The following MAGI3 variants were observed in gnomAD, a reference collection of about 807,000 sequenced individuals.
The protein encoded by MAGI3 is membrane-associated guanylate kinase, WW and PDZ domain-containing protein 3.
Under a neutral mutation model 121.8 loss-of-function variants are expected in MAGI3, and 43 were observed. The observed-to-expected ratio is 0.35, with a 90% CI of 0.28 to 0.46. The LOEUF is 0.46. Ranked by LOEUF, MAGI3 falls within the 20% of genes least tolerant of loss-of-function variation. The pLI, the probability that MAGI3 is intolerant of heterozygous loss-of-function variation, is 1.00. For synonymous variants in MAGI3, 553 were observed against 639.3 expected, an observed-to-expected ratio of 0.86 and a Z score of 2.04; for missense variants, 1,547 against 1,797.3, an observed-to-expected ratio of 0.86 and a Z score of 2.52.
rs150956678 is a variant in MAGI3 at position 113,532,903 on chromosome 1, A to G, written c.317-16612A>G. Among the ~76,000 whole-genome samples, 10 of 152,336 alleles carry G rather than the reference A, an allele frequency of 6.6e-5. No homozygotes were observed. In the East Asian group the frequency reaches 1.7e-3, roughly 26 times the overall value. On this transcript the variant is annotated intron_variant, in intron 1 of 20. Transcript: ENST00000307546. ...ATGTTAGTGCTTACTTGAACTTACA[A>G]CAGACTTTTTCCAACTGAATTGAGA... is the stretch of plus-strand genomic sequence containing the variant.
intron 9 of MAGI3, among the ~76,000 whole-genome samples, chr1:113,637,962 C>T (rs1253629043): frequency 6.6e-6 from 1 of 152,098 alleles, no homozygotes; most frequent in East Asian, 1.9e-4. Context: ...CTTCCCTTCT[C>T]GCTTCATTTC....
At chr1:113,433,552 A>T (rs551376824) in intron 1 of MAGI3, among the ~76,000 whole-genome samples, 4 of 152,354 alleles carry the variant, frequency 2.6e-5, no homozygotes, top group Non-Finnish European at 5.9e-5. Flanking sequence ...AGGAATTTAG[A>T]ATCCTGTTAC....
intron 1 of MAGI3, among the ~76,000 whole-genome samples, chr1:113,461,024 A>C (rs1227932775): frequency 6.6e-6 from 1 of 152,198 alleles, no homozygotes; most frequent in African/African-American, 2.4e-5. Flanking sequence ...ACAGCTAGCC[A>C]GGGAGGTGAA....
intron 1 of MAGI3, among the ~76,000 whole-genome samples, chr1:113,455,465 CT>C (rs1654704606): frequency 6.6e-6 from 1 of 152,048 alleles, no homozygotes; most frequent in Admixed American, 6.5e-5. Context: ...TTCAACTTGT[CT>C]TCCAGTCCTC....
intron 1 of MAGI3, among the ~76,000 whole-genome samples, chr1:113,512,372 G>T (rs1396393624): frequency 6.6e-6 from 1 of 152,156 alleles, no homozygotes; most frequent in Admixed American, 6.5e-5. Flanking sequence ...ACCACTTAAA[G>T]ATCTAAATAT....
intron 2 of MAGI3, among the ~76,000 whole-genome samples, chr1:113,570,833 T>G (rs1042125639): frequency 5.9e-5 from 9 of 152,200 alleles, no homozygotes; most frequent in Non-Finnish European, 1.0e-4. Context: ...TTTCTCCCAT[T>G]CTATAGGTTG....
intron 1 of MAGI3, among the ~76,000 whole-genome samples, chr1:113,442,278 G>A (rs1309622112): frequency 6.6e-6 from 1 of 152,180 alleles, no homozygotes; most frequent in Non-Finnish European, 1.5e-5. Flanking sequence ...AGCAGATGTT[G>A]TATGACGGAA....
At chr1:113,610,642 C>T (rs1235779846) in intron 6 of MAGI3, among the ~76,000 whole-genome samples, 6 of 152,190 alleles carry the variant, frequency 3.9e-5, no homozygotes, top group Non-Finnish European at 8.8e-5. Context: ...CTTTCCCTCA[C>T]TGTCTCCTCT....
rs1015210781 is a variant in MAGI3 at position 113,437,926 on chromosome 1, C to A, written c.316+46577C>A. ...TCTCCTTCTCCTTCTCCTTCTCCTC[C>A]TTCTCCTTCTCCTTCTCCTTCTCCT... On this transcript the variant is annotated intron_variant, in intron 1 of 20. Coordinates refer to ENST00000307546, the MANE Select transcript of MAGI3 (RefSeq NM_001142782.2). 7.4e-5 allele frequency among the ~76,000 whole-genome samples: 9 copies of A among 121,840 alleles called. 2 individuals carry two copies. The highest frequency in any genetic ancestry group is 3.3e-5 in the African/African-American group (1 of 30,370). 79.9% of individuals were successfully genotyped at this position (121,840 alleles called of 152,430 possible). A position where few individuals can be genotyped will look rare whatever the true frequency, so the allele number is the denominator to read the frequency against.
At chr1:113,641,124 T>A (rs1391306189) in intron 9 of MAGI3, among the ~76,000 whole-genome samples, 2 of 90,518 alleles carry the variant, frequency 2.2e-5, no homozygotes, top group South Asian at 7.7e-4. Context: ...ATATGAGATA[T>A]ATATTATATA....
At chr1:113,633,106 A>G (rs1401160429) in intron 9 of MAGI3, among the ~76,000 whole-genome samples, 2 of 126,616 alleles carry the variant, frequency 1.6e-5, no homozygotes, top group Non-Finnish European at 3.1e-5. Flanking sequence ...TCCTGTGTCC[A>G]TGTGTTCTCA....
intron 1 of MAGI3, among the ~76,000 whole-genome samples, chr1:113,513,972 A>G (rs539609576): frequency 1.5e-4 from 23 of 152,168 alleles, no homozygotes; most frequent in African/African-American, 5.5e-4. Flanking sequence ...AAGGACATGA[A>G]CAGACACTTC....
At chr1:113,637,052 C>T (rs1652078533) in intron 9 of MAGI3, among the ~76,000 whole-genome samples, 1 of 152,078 alleles carries the variant, frequency 6.6e-6, no homozygotes. Context: ...GATTGCAACC[C>T]TTGTCTTTTT....
At chr1:113,421,106 A>C in intron 1 of MAGI3, among the ~76,000 whole-genome samples, 1 of 152,118 alleles carries the variant, frequency 6.6e-6, no homozygotes, top group East Asian at 1.9e-4. Flanking sequence ...AGTCTGGCAT[A>C]GTGCAGCATC....
intron 1 of MAGI3, among the ~76,000 whole-genome samples, chr1:113,480,522 G>A (rs1478013874): frequency 6.6e-6 from 1 of 152,200 alleles, no homozygotes; most frequent in Non-Finnish European, 1.5e-5. Context: ...TGGACCTGGA[G>A]CCTGGGGCTA....
chr1:113,598,774 A>G (rs565956031), intron 6 of MAGI3, among the ~76,000 whole-genome samples: 1 of 152,322 alleles, frequency 6.6e-6, no homozygotes, highest in South Asian at 2.1e-4. Context: ...TCATTGGAGC[A>G]GAAAATCAGC....
chr1:113,427,494 G>A (rs1332746741), intron 1 of MAGI3, among the ~76,000 whole-genome samples: 6 of 152,290 alleles, frequency 3.9e-5, no homozygotes, highest in African/African-American at 7.2e-5. Context: ...TTCAATCCTG[G>A]GGAGGAATGA....
intron 6 of MAGI3, 96 bp from the exon 7 acceptor site, chr1:113,614,505 A>T: frequency 2.1e-6 from 2 of 959,162 alleles, no homozygotes; most frequent in Non-Finnish European, 3.3e-6. Flanking sequence ...TCTGACACCC[A>T]AATATTAGTA....
At chr1:113,437,864 C>CTTCTTCTTCTTCTTCTTCT (rs1557757106) in intron 1 of MAGI3, among the ~76,000 whole-genome samples, 6 of 55,978 alleles carry the variant, frequency 1.1e-4, no homozygotes, top group Admixed American at 2.1e-4. Context: ...CTTCTTCTTC[C>CTTCTTCTTCTTCTTCTTCT]TCTTCTTCTT....
Sources: gnomAD v4.1 joint callset for allele counts (sites outside exome capture counted in the v4.1 genomes callset) on GRCh38, gnomAD v4.1.1 for gene constraint, MANE v1.5 for transcripts, NCBI Gene and HGNC (gene_info 2026-07-23, HGNC 2026-07-21) for gene names.